Variants in ACOX3 observed in about 807,000 individuals in gnomAD.
ACOX3 encodes the protein peroxisomal acyl-coenzyme A oxidase 3.
ACOX3 carries 73 observed loss-of-function variants against 81.5 expected under a neutral mutation model. That is an observed-to-expected ratio of 0.90 (90% CI 0.74 to 1.09). The LOEUF is 1.09. Ranked by LOEUF, ACOX3 falls within the 50% of genes least tolerant of loss-of-function variation. The pLI, the probability that ACOX3 is intolerant of heterozygous loss-of-function variation, is 0.00. For missense variants in ACOX3, 947 were observed against 928.0 expected (o/e 1.02, Z -0.27); for synonymous variants, 387 against 375.1 (o/e 1.03, Z -0.37).
chr4:8,381,621 A>G lies in ACOX3; in HGVS notation c.1538-14T>C. ...CTGCCAGGGCGACTTCGGAATGACA[A>G]ACAGAAGGAGAAAAAGTAACAATAG... On this transcript the variant is annotated splice_polypyrimidine_tract_variant and intron_variant, in intron 13 of 17. Coordinates refer to ENST00000356406, the MANE Select transcript of ACOX3 (RefSeq NM_003501.3). The surrounding 1 kb of genome is among the most constrained non-coding windows in gnomAD (Gnocchi z 4.3). 1 of 1,586,062 alleles carries G rather than the reference A, an allele frequency of 6.3e-7. No individual in the cohort carries two copies. Among genetic ancestry groups the G allele is most frequent in the South Asian group, 1.1e-5 (1 of 90,196 alleles).
intron 17 of ACOX3, among the ~76,000 whole-genome samples, chr4:8,367,917 A>C (rs1444113103): frequency 6.8e-6 from 1 of 147,488 alleles, no homozygotes; most frequent in Non-Finnish European, 1.5e-5. Flanking sequence ...ACTTGAGCCC[A>C]GGAGGTTGAG....
intron 9 of ACOX3, among the ~76,000 whole-genome samples, chr4:8,395,838 C>T (rs1339289452): frequency 6.6e-6 from 1 of 152,208 alleles, no homozygotes; most frequent in Non-Finnish European, 1.5e-5. Context: ...TGGACAGAAA[C>T]AACTGCAATT....
chr4:8,427,339 C>T (rs1019667486), intron 1 of ACOX3, among the ~76,000 whole-genome samples: 14 of 152,232 alleles, frequency 9.2e-5, no homozygotes, highest in African/African-American at 3.1e-4. Flanking sequence ...GATATTAAAT[C>T]TTGCAACTGC....
rs1433202360 is a variant in ACOX3, at chr4:8,416,419, G to A, written c.103C>T (p.Leu35=). 1.2e-6 allele frequency: 2 copies of A among 1,614,204 alleles called. No homozygotes were observed. The highest frequency in any genetic ancestry group is 2.7e-5 in the African/African-American group (2 of 75,040). Reference sequence around the variant, plus strand: ...CCCTCCCCTTCCGTGAACAGCGCCAGCTCCTTCCAGCTGAAGGACGCTCTT... The same window carrying A: ...CCCTCCCCTTCCGTGAACAGCGCCAACTCCTTCCAGCTGAAGGACGCTCTT... ...RARASFSWKE[L]ALFTEGEGML... Residue 35 remains leucine, a synonymous_variant, in exon 2 of 18, where the codon CTG becomes TTG. Transcript: ENST00000356406. The surrounding 1 kb of genome is among the most constrained non-coding windows in gnomAD (Gnocchi z 4.2).
chr4:8,427,540 C>T (rs1815073), intron 1 of ACOX3, among the ~76,000 whole-genome samples: 151,648 of 152,338 alleles, frequency 1, 75,486 homozygotes, highest in East Asian at 1. Context: ...CCATTGTTCC[C>T]GCACAGCTAA....
chr4:8,390,105 C>CAAAAAAAAAAAA (rs752872641), intron 11 of ACOX3, among the ~76,000 whole-genome samples: 1 of 129,738 alleles, frequency 7.7e-6, no homozygotes. Context: ...CCTGTCTCAA[C>CAAAAAAAAAAAA]AACAACAACA....
At chr4:8,391,489 A>G (rs1368435988) in intron 11 of ACOX3, among the ~76,000 whole-genome samples, 1 of 152,212 alleles carries the variant, frequency 6.6e-6, no homozygotes, top group African/African-American at 2.4e-5. Context: ...GCCTTCTTTG[A>G]GCAACCAGTT....
At chr4:8,358,696 C>G in the ACOX3 span, among the ~76,000 whole-genome samples, 4 of 152,188 alleles carry the variant, frequency 2.6e-5, no homozygotes, top group African/African-American at 9.7e-5. Flanking sequence ...TGGTCATCCT[C>G]ACTGCTACAC....
downstream of ACOX3, among the ~76,000 whole-genome samples, chr4:8,363,307 T>C (rs1715271903): frequency 6.6e-6 from 1 of 152,240 alleles, no homozygotes; most frequent in Non-Finnish European, 1.5e-5. Context: ...TGTTGTACTC[T>C]TTGTGTAGGA....
intron 1 of ACOX3, among the ~76,000 whole-genome samples, chr4:8,428,923 G>GA (rs1346232224): frequency 2.0e-5 from 3 of 152,210 alleles, no homozygotes; most frequent in Non-Finnish European, 4.4e-5. Flanking sequence ...AGAGCTTGCT[G>GA]AAGTTTGAGA....
At chr4:8,412,199 GA>G (rs1202007152) in intron 5 of ACOX3, among the ~76,000 whole-genome samples, 1 of 152,228 alleles carries the variant, frequency 6.6e-6, no homozygotes, top group Non-Finnish European at 1.5e-5. Context: ...AGAAAATTCT[GA>G]AAAGAACCTC....
In ACOX3 at chr4:8,386,200, T is replaced by G. The variant is rs1203678666; in HGVS notation, c.1537+2973A>C. Among the ~76,000 whole-genome samples, 1 of 152,160 alleles carries G rather than the reference T, an allele frequency of 6.6e-6. No homozygotes were observed. The highest frequency in any genetic ancestry group is 1.5e-5 in the Non-Finnish European group (1 of 68,040). On this transcript the variant is annotated intron_variant, in intron 13 of 17. Coordinates refer to ENST00000356406, the MANE Select transcript of ACOX3 (RefSeq NM_003501.3). The surrounding 1 kb of genome is among the most constrained non-coding windows in gnomAD (Gnocchi z 5.2). ...AGTGATGGTTTTAGGAAAAAGGTAT[T>G]GGTTGGGTTGAAGTTACCACAATGA...
At position 8,389,833 on chromosome 4, in the gene ACOX3, G is replaced by T; in HGVS notation, c.1301-99C>A. On this transcript the variant is annotated intron_variant, in intron 11 of 17. Coordinates refer to ENST00000356406, the MANE Select transcript of ACOX3 (RefSeq NM_003501.3). The surrounding 1 kb of genome is among the most constrained non-coding windows in gnomAD (Gnocchi z 5.3). ...TAAAAAGCCTTAAGAGGCTGGGTGC[G>T]GTGGCTCACACCTGTAATGGCAGCA... 6.7e-7 allele frequency: 1 copy of T among 1,502,802 alleles called. No homozygotes were observed. Among genetic ancestry groups the T allele is most frequent in the Non-Finnish European group, 9.0e-7 (1 of 1,107,254 alleles). 93.1% of individuals were successfully genotyped at this position (1,502,802 alleles called of 1,614,324 possible).
chr4:8,405,979 AG>A lies in ACOX3; in HGVS notation c.751del (p.Leu251SerfsTer24). 1 of 1,614,156 alleles carries A rather than the reference AG, an allele frequency of 6.2e-7. No homozygotes were observed. Among genetic ancestry groups the A allele is most frequent in the Non-Finnish European group, 8.5e-7 (1 of 1,180,044 alleles). The stretch of plus-strand genomic sequence containing the variant: ...CCCATTATCCAGACCGTTCTGCCCG[AG>A]TTTTTTTCCTATGTCGCCAACCATC... ...GVMVGDIGKK[L>X]GQNGLDNGFA... On this transcript the variant is annotated frameshift_variant, in exon 7 of 18. Transcript: ENST00000356406. LOFTEE classifies it high-confidence loss of function. This position sits in a 1 kb window ranked among gnomAD's most constrained non-coding sequence, Gnocchi z 7.1.
intron 7 of ACOX3, among the ~76,000 whole-genome samples, chr4:8,404,328 A>G (rs755626261): frequency 6.6e-6 from 1 of 152,090 alleles, no homozygotes; most frequent in Non-Finnish European, 1.5e-5. Flanking sequence ...GCCAGCTCCA[A>G]CATTAACTAG....
At chr4:8,426,504 C>G (rs534497217) in intron 1 of ACOX3, among the ~76,000 whole-genome samples, 1 of 138,888 alleles carries the variant, frequency 7.2e-6, no homozygotes, top group African/African-American at 2.6e-5. Flanking sequence ...CTCCATGGCC[C>G]CCCCCGTCAT....
chr4:8,397,841 T>C (rs1041447139), intron 8 of ACOX3, among the ~76,000 whole-genome samples: 2 of 152,230 alleles, frequency 1.3e-5, no homozygotes, highest in African/African-American at 4.8e-5. Flanking sequence ...CACTCTCACA[T>C]AGGAATCACA....
chr4:8,359,597 C>T, the ACOX3 span, among the ~76,000 whole-genome samples: 115 of 152,290 alleles, frequency 7.6e-4, no homozygotes, highest in Non-Finnish European at 1.0e-3. This position sits in a 1 kb window ranked among gnomAD's most constrained non-coding sequence, Gnocchi z 6.0. Flanking sequence ...GAATTAGCCA[C>T]GTACAGGATT....
In ACOX3 at chr4:8,427,803, G is replaced by A. The variant is rs112489263; in HGVS notation, c.-14-11268C>T. Among the ~76,000 whole-genome samples, 380 of 152,356 alleles carry A rather than the reference G, an allele frequency of 2.5e-3. 1 individual carries two copies. Among genetic ancestry groups the A allele is most frequent in the Non-Finnish European group, 3.8e-3 (258 of 68,032 alleles). ...TGCTAGGGCCCAGTGTCTAGACAAGGTCTACTGTCTGGGCTGCTGCATTCC... is the reference window on the plus strand; with the variant it reads ...TGCTAGGGCCCAGTGTCTAGACAAGATCTACTGTCTGGGCTGCTGCATTCC... On this transcript the variant is annotated intron_variant, in intron 1 of 17. Transcript: ENST00000356406.
Sources: allele counts gnomAD v4.1 joint callset (sites outside exome capture counted in the v4.1 genomes callset), GRCh38; gene constraint gnomAD v4.1.1; non-coding constraint Gnocchi (gnomAD v3.1); transcripts MANE v1.5; gene names NCBI Gene and HGNC (gene_info 2026-07-23, HGNC 2026-07-21).